SLC44A5: variants seen among roughly 807,000 people sequenced by gnomAD.
SLC44A5 encodes choline transporter-like protein 5.
A neutral mutation model predicts 101.8 loss-of-function variants in SLC44A5; 57 were observed. That is an observed-to-expected ratio of 0.56 (90% CI 0.45 to 0.70). The LOEUF is 0.70. Among genes scored for constraint, SLC44A5 ranks in the 30% least tolerant of loss-of-function variants. SLC44A5 has a pLI of 0.00. For synonymous variants in SLC44A5, 281 were observed against 290.9 expected, an observed-to-expected ratio of 0.97 and a Z score of 0.35; for missense variants, 737 against 853.1, an observed-to-expected ratio of 0.86 and a Z score of 1.70.
intron 1 of SLC44A5, among the ~76,000 whole-genome samples, chr1:75,560,397 A>G (rs369148160): frequency 4.6e-5 from 7 of 152,290 alleles, no homozygotes; most frequent in African/African-American, 1.7e-4. Context: ...TAGAGACAGA[A>G]AGTAGATAAG....
intron 12 of SLC44A5, among the ~76,000 whole-genome samples, chr1:75,232,177 T>C (rs1647635067): frequency 6.6e-6 from 1 of 152,116 alleles, no homozygotes; most frequent in South Asian, 2.1e-4. Context: ...AGGGAGTCAA[T>C]AGGGAGCGAA....
the SLC44A5 span, among the ~76,000 whole-genome samples, chr1:75,633,629 A>G: frequency 6.6e-6 from 1 of 152,134 alleles, no homozygotes; most frequent in African/African-American, 2.4e-5. Flanking sequence ...GGCTGAGACA[A>G]TGGGGTTTTC....
chr1:75,238,932 A>G (rs1208119214), intron 9 of SLC44A5, among the ~76,000 whole-genome samples: 1 of 152,138 alleles, frequency 6.6e-6, no homozygotes. Flanking sequence ...AAGAGTAACA[A>G]TGATACATAC....
At chr1:75,711,908 T>C in the SLC44A5 span, among the ~76,000 whole-genome samples, 1 of 152,222 alleles carries the variant, frequency 6.6e-6, no homozygotes, top group Non-Finnish European at 1.5e-5. Flanking sequence ...TCCATTAATA[T>C]TGCTGTTTGG....
At chr1:75,311,864 C>A (rs1655329956) in intron 4 of SLC44A5, among the ~76,000 whole-genome samples, 1 of 152,146 alleles carries the variant, frequency 6.6e-6, no homozygotes, top group Non-Finnish European at 1.5e-5. Context: ...GGTTGTAGGA[C>A]TTGTATTTCA....
chr1:75,231,950 T>C (rs746790176), intron 12 of SLC44A5, among the ~76,000 whole-genome samples: 3 of 152,186 alleles, frequency 2.0e-5, no homozygotes, highest in Non-Finnish European at 4.4e-5. Flanking sequence ...ACATTGTTAT[T>C]TGCTCTAGTA....
chr1:75,460,371 T>A (rs975839540), intron 2 of SLC44A5, among the ~76,000 whole-genome samples: 1 of 152,222 alleles, frequency 6.6e-6, no homozygotes, highest in African/African-American at 2.4e-5. Context: ...ACAATAAATA[T>A]TTCACAAAAT....
the SLC44A5 span, among the ~76,000 whole-genome samples, chr1:75,658,358 G>A: frequency 5.7e-4 from 86 of 152,062 alleles, 1 homozygote; most frequent in South Asian, 0.017. Flanking sequence ...CTATAGGTGT[G>A]AACTACTACA....
the SLC44A5 span, among the ~76,000 whole-genome samples, chr1:75,664,376 C>T: frequency 6.6e-6 from 1 of 152,084 alleles, no homozygotes; most frequent in Non-Finnish European, 1.5e-5. Flanking sequence ...CAAATTATCT[C>T]TCTTCACTGA....
intron 4 of SLC44A5, among the ~76,000 whole-genome samples, chr1:75,337,443 A>G (rs1657532698): frequency 6.6e-6 from 1 of 152,194 alleles, no homozygotes; most frequent in African/African-American, 2.4e-5. Context: ...TGAATTTCTC[A>G]TGTAGCATCT....
chr1:75,538,594 C>A (rs1407146171), intron 2 of SLC44A5, among the ~76,000 whole-genome samples: 1 of 152,094 alleles, frequency 6.6e-6, no homozygotes, highest in Non-Finnish European at 1.5e-5. Flanking sequence ...TTTAGACATA[C>A]TATAAAGGCT....
At chr1:75,354,918 A>G (rs926317543) in intron 3 of SLC44A5, among the ~76,000 whole-genome samples, 2 of 152,152 alleles carry the variant, frequency 1.3e-5, no homozygotes, top group Admixed American at 6.6e-5. Context: ...TCTGACACCA[A>G]TCCAAGGAGG....
intron 3 of SLC44A5, among the ~76,000 whole-genome samples, chr1:75,353,513 G>A (rs904570752): frequency 1.3e-5 from 2 of 152,316 alleles, no homozygotes; most frequent in South Asian, 2.1e-4. Flanking sequence ...CTGGATCATA[G>A]TAGATGCTGA....
intron 2 of SLC44A5, among the ~76,000 whole-genome samples, chr1:75,451,770 GAT>G (rs1665921518): frequency 6.6e-6 from 1 of 151,940 alleles, no homozygotes; most frequent in Non-Finnish European, 1.5e-5. Context: ...CTTGAAGACT[GAT>G]CTTTCTAACT....
chr1:75,694,305 G>A, the SLC44A5 span, among the ~76,000 whole-genome samples: 1 of 123,266 alleles, frequency 8.1e-6, no homozygotes, highest in Non-Finnish European at 1.8e-5. Context: ...GTAGAAAGAG[G>A]TGGTAATGAG....
At chr1:75,248,992 A>G (rs1649345301) in intron 7 of SLC44A5, among the ~76,000 whole-genome samples, 1 of 152,132 alleles carries the variant, frequency 6.6e-6, no homozygotes, top group Non-Finnish European at 1.5e-5. Context: ...TGCAGGTCCC[A>G]GTAAGGTAAA....
chr1:75,584,356 G>A (rs1673873999), intron 1 of SLC44A5, among the ~76,000 whole-genome samples: 1 of 152,164 alleles, frequency 6.6e-6, no homozygotes, highest in African/African-American at 2.4e-5. Context: ...AACTAGTCTA[G>A]GTACCGTATC....
intron 2 of SLC44A5, among the ~76,000 whole-genome samples, chr1:75,487,362 C>CT (rs1410146881): frequency 6.6e-6 from 1 of 152,092 alleles, no homozygotes; most frequent in Non-Finnish European, 1.5e-5. Context: ...TGAATCTAGC[C>CT]TTGCAAATAG....
chr1:75,595,360 C>T (rs919324706), intron 1 of SLC44A5, among the ~76,000 whole-genome samples: 10 of 151,954 alleles, frequency 6.6e-5, no homozygotes, highest in Non-Finnish European at 1.2e-4. Context: ...CCAAAGCATA[C>T]CAGATTTCAA....
Sources: allele counts gnomAD v4.1 joint callset (sites outside exome capture counted in the v4.1 genomes callset), GRCh38; gene constraint gnomAD v4.1.1; transcripts MANE v1.5; gene names NCBI Gene and HGNC (gene_info 2026-07-23, HGNC 2026-07-21).